The following KCTD16 variants were observed in gnomAD, a reference collection of about 807,000 sequenced individuals.
KCTD16 encodes potassium channel tetramerization domain containing 16.
Under a neutral mutation model 33.2 loss-of-function variants are expected in KCTD16, and 13 were observed. That is an observed-to-expected ratio of 0.39 (90% CI 0.25 to 0.62). KCTD16 has a LOEUF of 0.62. Among genes scored for constraint, KCTD16 ranks in the 20% least tolerant of loss-of-function variants. The pLI, the probability that KCTD16 is intolerant of heterozygous loss-of-function variation, is 0.50. For missense variants in KCTD16, 441 were observed against 525.1 expected (o/e 0.84, Z 1.57); for synonymous variants, 197 against 195.3 (o/e 1.01, Z -0.07).
At chr5:144,181,376 A>G (rs1490642527) in intron 2 of KCTD16, among the ~76,000 whole-genome samples, 3 of 152,144 alleles carry the variant, frequency 2.0e-5, no homozygotes, top group Admixed American at 1.3e-4. Flanking sequence ...TGAGAGGCCT[A>G]TGTTGGTTAG....
intron 3 of KCTD16, chr5:144,439,411 A>G (rs189157313): frequency 2.2e-6 from 1 of 446,694 alleles, no homozygotes. Context: ...CATTATATGA[A>G]CCATGAACCA....
chr5:144,173,880 C>T (rs1752445108), intron 1 of KCTD16, among the ~76,000 whole-genome samples: 1 of 150,198 alleles, frequency 6.7e-6, no homozygotes, highest in Non-Finnish European at 1.5e-5. Context: ...CATGGCTAGT[C>T]ACGTAGGAAT....
intron 3 of KCTD16, among the ~76,000 whole-genome samples, chr5:144,431,945 T>A (rs1753473196): frequency 6.6e-6 from 1 of 152,256 alleles, no homozygotes; most frequent in Admixed American, 6.5e-5. Flanking sequence ...ACAACTAAAT[T>A]TCCTCTATGA....
chr5:144,312,867 A>G (rs1208755303), intron 3 of KCTD16, among the ~76,000 whole-genome samples: 1 of 152,210 alleles, frequency 6.6e-6, no homozygotes, highest in African/African-American at 2.4e-5. Flanking sequence ...GGAAGTGACA[A>G]GGTGAAGAAA....
intron 3 of KCTD16, among the ~76,000 whole-genome samples, chr5:144,417,431 T>G (rs1454775453): frequency 6.6e-6 from 1 of 152,152 alleles, no homozygotes; most frequent in East Asian, 1.9e-4. Flanking sequence ...TGGAGAAATG[T>G]CTAGTGAAAT....
At chr5:144,260,686 A>G (rs917450823) in intron 3 of KCTD16, among the ~76,000 whole-genome samples, 1 of 152,250 alleles carries the variant, frequency 6.6e-6, no homozygotes, top group African/African-American at 2.4e-5. Context: ...TCATTTGGGC[A>G]GAATCGCAAG....
intron 3 of KCTD16, among the ~76,000 whole-genome samples, chr5:144,392,865 C>T (rs1752481306): frequency 6.6e-6 from 1 of 152,130 alleles, no homozygotes; most frequent in Admixed American, 6.5e-5. Context: ...CCCTGAGTGG[C>T]TATGATGAAC....
chr5:144,273,852 G>C (rs947567197), intron 3 of KCTD16, among the ~76,000 whole-genome samples: 5 of 151,766 alleles, frequency 3.3e-5, no homozygotes, highest in African/African-American at 1.2e-4. Flanking sequence ...TCATAGAGAT[G>C]GATGGTGGTG....
chr5:144,238,969 G>A (rs1414588322), intron 3 of KCTD16, among the ~76,000 whole-genome samples: 1 of 152,140 alleles, frequency 6.6e-6, no homozygotes, highest in Non-Finnish European at 1.5e-5. Context: ...TAAGCACAGT[G>A]CTCTGATAGG....
intron 3 of KCTD16, among the ~76,000 whole-genome samples, chr5:144,358,438 A>G (rs978581258): frequency 3.9e-5 from 6 of 152,188 alleles, no homozygotes; most frequent in African/African-American, 1.2e-4. Flanking sequence ...TAATGTGCTT[A>G]TATTTATTGA....
At chr5:144,364,210 C>T (rs978723911) in intron 3 of KCTD16, among the ~76,000 whole-genome samples, 1 of 152,118 alleles carries the variant, frequency 6.6e-6, no homozygotes, top group Non-Finnish European at 1.5e-5. Context: ...AATGACTAGG[C>T]GAAGGTACGG....
At chr5:144,249,918 G>A (rs1235909500) in intron 3 of KCTD16, among the ~76,000 whole-genome samples, 4 of 152,176 alleles carry the variant, frequency 2.6e-5, no homozygotes, top group Admixed American at 6.5e-5. Context: ...AGAAGGAGCA[G>A]CATTTAACTA....
rs576366091 is a variant in KCTD16, at chr5:144,225,661, G to A, written c.832+18115G>A. ...AGAATCAGTAGCAAGACTAATATGA[G>A]TGAAGTAGTCTTAAACAAGATTAAT... On this transcript the variant is annotated intron_variant, in intron 3 of 3. Coordinates refer to ENST00000512467, the MANE Select transcript of KCTD16 (RefSeq NM_020768.4). 1.5e-3 allele frequency among the ~76,000 whole-genome samples: 233 copies of A among 152,022 alleles called. 1 individual carries two copies. The highest frequency in any genetic ancestry group is 5.4e-3 in the African/African-American group (224 of 41,466).
intron 2 of KCTD16, among the ~76,000 whole-genome samples, chr5:144,179,960 G>T (rs1456789733): frequency 6.6e-6 from 1 of 152,154 alleles, no homozygotes; most frequent in Non-Finnish European, 1.5e-5. Flanking sequence ...CATTTTCCCT[G>T]TGGGTGCTTG....
intron 3 of KCTD16, among the ~76,000 whole-genome samples, chr5:144,348,345 C>CAAT (rs1554089205): frequency 1.3e-5 from 2 of 151,790 alleles, no homozygotes; most frequent in Non-Finnish European, 2.9e-5. Context: ...ATTATCATCA[C>CAAT]CATCATCCCA....
At chr5:144,361,626 CA>C (rs1405873390) in intron 3 of KCTD16, among the ~76,000 whole-genome samples, 1 of 152,148 alleles carries the variant, frequency 6.6e-6, no homozygotes, top group African/African-American at 2.4e-5. Flanking sequence ...TCAGGCTATG[CA>C]ATCCTTTTGG....
intron 3 of KCTD16, among the ~76,000 whole-genome samples, chr5:144,316,109 C>T (rs1202817060): frequency 6.6e-6 from 1 of 151,378 alleles, no homozygotes; most frequent in African/African-American, 2.4e-5. Flanking sequence ...TTAAAATAAA[C>T]TGGGTTGTTA....
At chr5:144,319,336 ACT>A (rs2126883403) in intron 3 of KCTD16, among the ~76,000 whole-genome samples, 1 of 152,306 alleles carries the variant, frequency 6.6e-6, no homozygotes, top group African/African-American at 2.4e-5. Context: ...TGTGAGATCT[ACT>A]CTCTGCTACC....
chr5:144,175,035 A>G (rs6869336), intron 2 of KCTD16, among the ~76,000 whole-genome samples: 68,441 of 152,054 alleles, frequency 0.45, 16,275 homozygotes, highest in African/African-American at 0.61. Context: ...GGGAGAACTC[A>G]AAGTGGGCTC....
Sources: gnomAD v4.1 joint callset for allele counts (sites outside exome capture counted in the v4.1 genomes callset) on GRCh38, gnomAD v4.1.1 for gene constraint, MANE v1.5 for transcripts, NCBI Gene and HGNC (gene_info 2026-07-23, HGNC 2026-07-21) for gene names.